Variants in OFD1 observed in about 807,000 individuals in gnomAD.
OFD1 encodes the protein centriole and centriolar satellite protein OFD1.
Under a neutral mutation model 81.4 loss-of-function variants are expected in OFD1, and 12 were observed. The ratio of observed to expected loss-of-function variants is 0.15; its 90% CI spans 0.09 to 0.24. The LOEUF is 0.24. OFD1 is among the 10% of genes least tolerant of loss of function. OFD1 has a pLI of 1.00. For missense variants in OFD1, 685 were observed against 733.9 expected (o/e 0.93, Z 0.77); for synonymous variants, 256 against 263.7 (o/e 0.97, Z 0.28).
Position 13,768,096 on chromosome X carries a change from T to G in OFD1, c.2800T>G (p.Leu934Val). 8.5e-7 allele frequency: 1 copy of G among 1,178,512 alleles called. No individual in the cohort carries two copies. The highest frequency in any genetic ancestry group is 1.2e-6 in the Non-Finnish European group (1 of 865,239). Residue 934 changes from leucine (L) to valine (V), a missense_variant, in exon 21 of 23, where the codon TTA (leucine) becomes GTA (valine). By Grantham distance (32) the Leu-to-Val change is conservative. Around this residue, in one of 3 missense-constraint regions of OFD1, gnomAD observed 259 missense variants for 254.4 expected, o/e 1.02. Transcript: ENST00000340096. ...ACTGAAGATTAAAATAAAAAAGGAA[T>G]TAGAAATGGAAAATGAATTAGAAAT... Reference protein sequence around the residue: ...ESLKIKIKKELEMENELEMSN... With the variant: ...ESLKIKIKKEVEMENELEMSN...
upstream of OFD1, among the ~76,000 whole-genome samples, chrX:13,733,586 A>G (rs911670920): frequency 1.2e-4 from 13 of 111,761 alleles, no homozygotes; most frequent in African/African-American, 4.2e-4. Flanking sequence ...TAAGTTTTTC[A>G]CAGCCAGAGA....
chrX:13,736,096 A>G (rs1332601579), intron 2 of OFD1: 4 of 797,673 alleles, frequency 5.0e-6, no homozygotes, highest in African/African-American at 4.5e-5. Context: ...TTTTGGTTAT[A>G]TTCTCCAACA....
intron 12 of OFD1, 107 bp downstream of exon 12, chrX:13,755,349 A>G (rs1434623642): frequency 3.6e-6 from 2 of 550,887 alleles, no homozygotes; most frequent in Non-Finnish European, 6.2e-6. Flanking sequence ...TTGGACTGCC[A>G]TTTATATGGC....
At chrX:13,758,227 T>C in intron 14 of OFD1, 110 bp from the exon 15 acceptor site, 1 of 539,543 alleles carries the variant, frequency 1.9e-6, no homozygotes, top group South Asian at 2.7e-5. Flanking sequence ...TAAAGCTTCT[T>C]GGAATTGGCA....
rs778813922 is a variant in OFD1, at chrX:13,757,151, A to G, written c.1411+384A>G. 3.6e-5 allele frequency among the ~76,000 whole-genome samples: 4 copies of G among 112,304 alleles called. No individual in the cohort carries two copies. In the South Asian group the frequency reaches 1.5e-3, roughly 41 times the overall value. On this transcript the variant is annotated intron_variant, in intron 13 of 22. Transcript: ENST00000340096. Reference sequence around the variant, plus strand: ...CCCAGGCCCAAGGAGCGCTAACAGTATGGCCCTGTTACTAGCCCACCCAGG... The same window carrying G: ...CCCAGGCCCAAGGAGCGCTAACAGTGTGGCCCTGTTACTAGCCCACCCAGG...
chrX:13,761,599 A>C (rs929631839), intron 17 of OFD1, among the ~76,000 whole-genome samples: 2 of 112,630 alleles, frequency 1.8e-5, no homozygotes, highest in Non-Finnish European at 3.7e-5. Flanking sequence ...CACATCATTA[A>C]AAAGTCATTT....
intron 16 of OFD1, 102 bp downstream of exon 16, chrX:13,760,822 G>A: frequency 9.5e-7 from 1 of 1,049,979 alleles, no homozygotes; most frequent in Admixed American, 2.4e-5. Flanking sequence ...AGAGTGGCAA[G>A]GTCTAGTGTT....
chrX:13,734,135 G>A (rs1426772316), upstream of OFD1: 1 of 511,558 alleles, frequency 2.0e-6, no homozygotes. Flanking sequence ...GAGGACATCT[G>A]GCAATATCTG....
chrX:13,715,804 A>G, the OFD1 span: 1 of 953,314 alleles, frequency 1.0e-6, no homozygotes, highest in Admixed American at 5.2e-5. Flanking sequence ...GGTAACTACC[A>G]TGAAGTTGTG....
the OFD1 span, among the ~76,000 whole-genome samples, chrX:13,724,083 C>A: frequency 2.4e-4 from 27 of 111,471 alleles, 1 homozygote; most frequent in South Asian, 9.7e-3. Context: ...ATGCAGGAGG[C>A]CCCCAGAAGC....
intron 11 of OFD1, 188 bp downstream of exon 11, chrX:13,753,629 C>A (rs932551834): frequency 2.4e-6 from 1 of 414,510 alleles, no homozygotes; most frequent in Non-Finnish European, 4.2e-6. Context: ...TTTGAGGAAC[C>A]TTCATGTTTA....
chrX:13,722,208 C>CAGAAAAAAAAAAAAA, the OFD1 span: 1 of 36,116 alleles, frequency 2.8e-5, no homozygotes, highest in Non-Finnish European at 5.1e-5. Context: ...TAAGCAGCAG[C>CAGAAAAAAAAAAAAA]AAAAAAAAAA....
chrX:13,749,851 G>A (rs745685183), intron 9 of OFD1, among the ~76,000 whole-genome samples: 15 of 112,581 alleles, frequency 1.3e-4, no homozygotes, highest in South Asian at 7.3e-4. Flanking sequence ...TGATAGTTCC[G>A]TGTGTGTATG....
chrX:13,764,918 A>T (rs2048068757), intron 19 of OFD1, among the ~76,000 whole-genome samples: 1 of 111,032 alleles, frequency 9.0e-6, no homozygotes, highest in Non-Finnish European at 1.9e-5. Flanking sequence ...ATCACCCAGG[A>T]CCGCAGCAGG....
chrX:13,763,703 T>G, intron 18 of OFD1, 42 bp from the exon 19 acceptor site: 1 of 1,046,887 alleles, frequency 9.6e-7, no homozygotes, highest in Non-Finnish European at 1.3e-6. Context: ...TTTGTCTTGG[T>G]GTTATTATTA....
downstream of OFD1, chrX:13,772,290 T>C (rs1395905899): frequency 8.9e-6 from 1 of 112,243 alleles, no homozygotes; most frequent in Non-Finnish European, 1.9e-5. Context: ...GAAAAATATA[T>C]TTCTGATTGG....
chrX:13,773,062 G>A (rs749599500), downstream of OFD1: 1 of 1,182,194 alleles, frequency 8.5e-7, no homozygotes, highest in East Asian at 3.0e-5. Flanking sequence ...GATGGCTAGT[G>A]AGCATTGTGA....
At chrX:13,735,559 G>T (rs182225172) in intron 2 of OFD1, among the ~76,000 whole-genome samples, 1 of 112,478 alleles carries the variant, frequency 8.9e-6, no homozygotes, top group African/African-American at 3.2e-5. Flanking sequence ...CGTCTTAAAG[G>T]AGCATATTCA....
rs1413816437 is a variant in OFD1 at position 13,755,157 on chromosome X, C to T, written c.1136C>T (p.Ala379Val). ...IEDERKNKEKAVHLQEELIAI... is the reference protein window; with the variant it reads ...IEDERKNKEKVVHLQEELIAI... ...TGGTGGGCTCTTTTTTCAGAAAAAG[C>T]TGTTCATTTGCAAGAGGAGCTCATA... The change falls in exon 12 of 23, where the codon GCT (alanine) becomes GTT (valine). Residue 379 changes from alanine (A) to valine (V), a missense_variant. Coordinates refer to ENST00000340096, the MANE Select transcript of OFD1 (RefSeq NM_003611.3). 1.7e-6 allele frequency: 2 copies of T among 1,197,687 alleles called. No individual in the cohort carries two copies. The highest frequency in any genetic ancestry group is 3.0e-5 in the East Asian group (1 of 33,759).
Sources: gnomAD v4.1 joint callset for allele counts (sites outside exome capture counted in the v4.1 genomes callset) on GRCh38, gnomAD v4.1.1 for gene constraint, gnomAD v4.1.1 regional missense constraint, MANE v1.5 for transcripts, NCBI Gene and HGNC (gene_info 2026-07-23, HGNC 2026-07-21) for gene names.